ASB2: variants seen among roughly 807,000 people sequenced by gnomAD.
The protein encoded by ASB2 is ankyrin repeat and SOCS box protein 2.
Under a neutral mutation model 62.4 loss-of-function variants are expected in ASB2, and 58 were observed. The ratio of observed to expected loss-of-function variants is 0.93; its 90% confidence interval spans 0.75 to 1.16. ASB2 has a LOEUF of 1.16. Among genes scored for constraint, ASB2 ranks in the 50% most tolerant of loss-of-function variants. ASB2 has a pLI of 0.00. For missense variants in ASB2, 928 were observed against 887.9 expected (o/e 1.05, Z -0.57); for synonymous variants, 386 against 385.3 (o/e 1.00, Z -0.02).
chr14:93,957,135 C>T, intron 2 of ASB2: 3 of 1,353,780 alleles, frequency 2.2e-6, no homozygotes, highest in Non-Finnish European at 2.8e-6. Context: ...CTCACCCCAC[C>T]CCCCGGTCCC....
intron 9 of ASB2, among the ~76,000 whole-genome samples, chr14:93,936,117 G>C (rs1888263297): frequency 6.6e-6 from 1 of 152,200 alleles, no homozygotes; most frequent in Admixed American, 6.5e-5. Context: ...CAGGCTGCTG[G>C]TGAGCAGAGG....
intron 6 of ASB2, 108 bp from the exon 7 acceptor site, chr14:93,947,628 G>C (rs531697999): frequency 3.1e-5 from 35 of 1,133,092 alleles, no homozygotes; most frequent in Non-Finnish European, 4.3e-5. Flanking sequence ...GGTAATGCAC[G>C]GGACCTTTAA....
intron 1 of ASB2, among the ~76,000 whole-genome samples, chr14:93,968,075 G>A (rs980936023): frequency 1.3e-5 from 2 of 152,212 alleles, no homozygotes; most frequent in African/African-American, 4.8e-5. Context: ...CTGCAGCCTG[G>A]TATGGGCCAG....
intron 2 of ASB2, among the ~76,000 whole-genome samples, chr14:93,957,878 C>T (rs1889281396): frequency 6.6e-6 from 1 of 152,074 alleles, no homozygotes; most frequent in African/African-American, 2.4e-5. Flanking sequence ...CTCTCGACAC[C>T]CCAGTGGCCC....
chr14:93,962,581 G>A (rs893161314), intron 2 of ASB2, among the ~76,000 whole-genome samples: 4 of 152,138 alleles, frequency 2.6e-5, no homozygotes, highest in South Asian at 2.1e-4. Flanking sequence ...AGCTTTTTCC[G>A]CAGGAAGCTG....
intron 1 of ASB2, among the ~76,000 whole-genome samples, chr14:93,972,752 G>A (rs957027061): frequency 3.3e-5 from 5 of 152,194 alleles, no homozygotes; most frequent in Non-Finnish European, 7.3e-5. Flanking sequence ...CCTTGCCCTT[G>A]ACCCCTATGA....
At chr14:93,966,874 G>T (rs111281407) in intron 1 of ASB2, among the ~76,000 whole-genome samples, 15 of 152,150 alleles carry the variant, frequency 9.9e-5, no homozygotes, top group African/African-American at 3.4e-4. Flanking sequence ...GGCCAGAGTT[G>T]AGAACCCCTG....
chr14:93,945,397 C>T (rs147802122), intron 7 of ASB2, among the ~76,000 whole-genome samples: 2 of 152,232 alleles, frequency 1.3e-5, no homozygotes, highest in Middle Eastern at 3.2e-3. Flanking sequence ...TCATGGAATG[C>T]ACTCTCCCTA....
At chr14:93,971,949 T>C (rs1889766387) in intron 1 of ASB2, among the ~76,000 whole-genome samples, 1 of 150,508 alleles carries the variant, frequency 6.6e-6, no homozygotes, top group Non-Finnish European at 1.5e-5. Context: ...ACATACACGC[T>C]ACATGTATTA....
intron 4 of ASB2, among the ~76,000 whole-genome samples, chr14:93,953,958 G>A (rs986780214): frequency 4.6e-5 from 7 of 152,204 alleles, no homozygotes; most frequent in African/African-American, 1.7e-4. Context: ...CGGTCCCACA[G>A]CAGGTGGGGG....
At position 93,939,191 on chromosome 14, in the gene ASB2, T is replaced by G; in HGVS notation, c.1534A>C (p.Asn512His). 6.3e-7 allele frequency: 1 copy of G among 1,598,784 alleles called. No individual in the cohort carries two copies. The highest frequency in any genetic ancestry group is 8.5e-7 in the Non-Finnish European group (1 of 1,169,906). Residue 512 changes from asparagine to histidine, a missense_variant, in exon 8 of 10, where the codon AAC (asparagine) becomes CAC (histidine). By Grantham distance (68) the Asn-to-His change is moderately conservative (BLOSUM62 1). Coordinates refer to ENST00000555019, the MANE Select transcript of ASB2 (RefSeq NM_001202429.2). ...TGCGGGGCCGGCGGGTGCGGGCCGTTGCCGTAGAGGCATGAGAAGCAGGGC... is the reference window on the plus strand; with the variant it reads ...TGCGGGGCCGGCGGGTGCGGGCCGTGGCCGTAGAGGCATGAGAAGCAGGGC... ...GEPCFSCLYGNGPHPPAPQPS... is the reference protein window; with the variant it reads ...GEPCFSCLYGHGPHPPAPQPS...
At chr14:93,972,639 G>C (rs72631629) in intron 1 of ASB2, among the ~76,000 whole-genome samples, 11,331 of 152,270 alleles carry the variant, frequency 0.074, 1,175 homozygotes, top group East Asian at 0.53. Flanking sequence ...CAAGGAGTCA[G>C]TTGCTCCGTG....
At chr14:93,974,043 C>T (rs1301987610) in intron 1 of ASB2, 1 of 152,266 alleles carries the variant, frequency 6.6e-6, no homozygotes, top group Non-Finnish European at 1.5e-5. Flanking sequence ...GGGAATCCTC[C>T]ATAGCCCCTC....
chr14:93,947,908 C>T (rs1595309926), intron 6 of ASB2, among the ~76,000 whole-genome samples: 2 of 146,618 alleles, frequency 1.4e-5, no homozygotes, highest in East Asian at 2.1e-4. Flanking sequence ...GCAGGAGAAT[C>T]GCTTGAACCC....
chr14:93,947,721 G>GC (rs1482605087), intron 6 of ASB2, among the ~76,000 whole-genome samples: 4 of 151,974 alleles, frequency 2.6e-5, no homozygotes, highest in African/African-American at 9.7e-5. Context: ...GCCTGGCCAG[G>GC]CGTGGCTCAT....
intron 7 of ASB2, 38 bp downstream of exon 7, chr14:93,947,311 G>A (rs752793993): frequency 8.7e-6 from 14 of 1,609,968 alleles, no homozygotes; most frequent in Admixed American, 5.0e-5. Context: ...TGTGGGCCTC[G>A]GGAGAGCTGC....
At chr14:93,945,256 T>A (rs1290864270) in intron 7 of ASB2, among the ~76,000 whole-genome samples, 1 of 152,210 alleles carries the variant, frequency 6.6e-6, no homozygotes, top group Non-Finnish European at 1.5e-5. Context: ...TGGATCTCTC[T>A]GGGGTCAGGC....
In ASB2 at chr14:93,956,865, G is replaced by A. The variant is rs753567858; in HGVS notation, c.212C>T (p.Thr71Ile). 5 of 1,614,216 alleles carry A rather than the reference G, an allele frequency of 3.1e-6. No homozygotes were observed. Among genetic ancestry groups the A allele is most frequent in the Non-Finnish European group, 4.2e-6 (5 of 1,180,026 alleles). Reference protein sequence around the residue: ...PAHFYPWTRSTAPPESSPARA... With the variant: ...PAHFYPWTRSIAPPESSPARA... ...GGCCGGCGAACTCTCAGGAGGTGCA[G>A]TGGACCTGGAGGGTGCAGAGCAGGA... The change falls in exon 3 of 10, where the codon ACT becomes ATT. Residue 71 changes from threonine to isoleucine, a missense_variant. By Grantham distance (89) the Thr-to-Ile change is moderately conservative (BLOSUM62 -1). Coordinates refer to ENST00000555019, the MANE Select transcript of ASB2 (RefSeq NM_001202429.2).
At chr14:93,963,048 G>C (rs946561448) in intron 2 of ASB2, among the ~76,000 whole-genome samples, 1 of 152,186 alleles carries the variant, frequency 6.6e-6, no homozygotes, top group Non-Finnish European at 1.5e-5. Flanking sequence ...CCTTTAAAAG[G>C]GGCTCCTCAG....
Sources: allele counts gnomAD v4.1 joint callset (sites outside exome capture counted in the v4.1 genomes callset), GRCh38; gene constraint gnomAD v4.1.1; transcripts MANE v1.5; gene names NCBI Gene and HGNC (gene_info 2026-07-23, HGNC 2026-07-21).